CENPP: variants seen among roughly 807,000 people sequenced by gnomAD.
CENPP encodes the protein centromere protein P.
A neutral mutation model predicts 35.6 loss-of-function variants in CENPP; 24 were observed. The observed-to-expected ratio is 0.67, with a 90% CI of 0.49 to 0.95. The LOEUF (loss-of-function observed/expected upper bound fraction) is 0.95, where lower values mean the gene tolerates loss of function less well. Ranked by LOEUF, CENPP falls within the 40% of genes least tolerant of loss-of-function variation. The pLI, the probability that CENPP is intolerant of heterozygous loss-of-function variation, is 0.00. For synonymous variants in CENPP, 120 were observed against 125.5 expected, an observed-to-expected ratio of 0.96 and a Z score of 0.29; for missense variants, 332 against 345.3, an observed-to-expected ratio of 0.96 and a Z score of 0.31.
chr9:92,473,168 C>T (rs1176555104), intron 5 of CENPP, among the ~76,000 whole-genome samples: 1 of 152,120 alleles, frequency 6.6e-6, no homozygotes, highest in East Asian at 1.9e-4. Context: ...GTAGCTTGGG[C>T]TTCTCAAGTC....
At chr9:92,571,244 G>C (rs955795424) in intron 5 of CENPP, among the ~76,000 whole-genome samples, 3 of 152,190 alleles carry the variant, frequency 2.0e-5, no homozygotes, top group African/African-American at 7.2e-5. Context: ...TCTACACACT[G>C]CTTTAAATGT....
intron 5 of CENPP, among the ~76,000 whole-genome samples, chr9:92,570,440 G>T (rs1466418741): frequency 6.6e-6 from 1 of 152,128 alleles, no homozygotes; most frequent in Non-Finnish European, 1.5e-5. Context: ...ACTTGATCAT[G>T]GTGGATAAGC....
At chr9:92,376,167 T>A (rs1004778288) in intron 4 of CENPP, among the ~76,000 whole-genome samples, 1 of 152,188 alleles carries the variant, frequency 6.6e-6, no homozygotes, top group Non-Finnish European at 1.5e-5. Flanking sequence ...TCAAGTGGCT[T>A]TCTAGTTCCC....
chr9:92,479,862 C>T (rs1416286906), intron 5 of CENPP, among the ~76,000 whole-genome samples: 1 of 152,110 alleles, frequency 6.6e-6, no homozygotes, highest in Non-Finnish European at 1.5e-5. Context: ...TAAGTACAAT[C>T]AAGTATAGGT....
chr9:92,450,484 C>T (rs907077170), intron 5 of CENPP, among the ~76,000 whole-genome samples: 2 of 152,042 alleles, frequency 1.3e-5, no homozygotes, highest in Non-Finnish European at 2.9e-5. Flanking sequence ...TTTTCTTAAT[C>T]CAGTCTATCA....
intron 5 of CENPP, among the ~76,000 whole-genome samples, chr9:92,480,501 G>A (rs555409767): frequency 6.6e-6 from 1 of 152,260 alleles, no homozygotes; most frequent in South Asian, 2.1e-4. Flanking sequence ...ACTTTCCTCT[G>A]GAAAAGCCTA....
At chr9:92,388,198 G>A (rs1842514229) in intron 5 of CENPP, among the ~76,000 whole-genome samples, 1 of 151,598 alleles carries the variant, frequency 6.6e-6, no homozygotes, top group African/African-American at 2.4e-5. Context: ...TTGCTCTGTG[G>A]CCCAGGCTGG....
chr9:92,380,509 C>T (rs987360544), intron 5 of CENPP, among the ~76,000 whole-genome samples: 38 of 140,420 alleles, frequency 2.7e-4, no homozygotes, highest in African/African-American at 8.9e-4. Context: ...AAAAGCCTAA[C>T]CAGATCATGA....
At chr9:92,502,946 TACAGGTATGCGCCATGAAGCCTGGCTA>T (rs746648334) in intron 5 of CENPP, among the ~76,000 whole-genome samples, 12 of 151,638 alleles carry the variant, frequency 7.9e-5, no homozygotes, top group Non-Finnish European at 1.8e-4. Context: ...TGACTGAGAC[TACAGGTATGCGCCATGAAGCCTGGCTA>T]ATTTTTGTAT....
intron 5 of CENPP, among the ~76,000 whole-genome samples, chr9:92,521,529 A>G (rs556902168): frequency 2.0e-5 from 3 of 152,324 alleles, no homozygotes; most frequent in East Asian, 3.9e-4. Context: ...TTGAGACAAT[A>G]TATGAAATAC....
intron 5 of CENPP, among the ~76,000 whole-genome samples, chr9:92,556,492 T>G (rs1849726498): frequency 6.6e-6 from 1 of 152,202 alleles, no homozygotes; most frequent in Admixed American, 6.5e-5. Context: ...TATTAATAAT[T>G]GTTTTATAAA....
At chr9:92,328,896 A>G (rs1031112182) in intron 1 of CENPP, among the ~76,000 whole-genome samples, 2 of 152,254 alleles carry the variant, frequency 1.3e-5, no homozygotes, top group Admixed American at 1.3e-4. Flanking sequence ...TTGAGCGTTC[A>G]GCTCAATGGC....
At chr9:92,460,034 A>G (rs1845039738) in intron 5 of CENPP, among the ~76,000 whole-genome samples, 1 of 151,038 alleles carries the variant, frequency 6.6e-6, no homozygotes, top group South Asian at 2.1e-4. Flanking sequence ...CCCTATCAGC[A>G]GAGGTGGTAA....
At chr9:92,508,873 T>C (rs1351791880) in intron 5 of CENPP, among the ~76,000 whole-genome samples, 1 of 152,046 alleles carries the variant, frequency 6.6e-6, no homozygotes, top group Non-Finnish European at 1.5e-5. Context: ...AAAAACATAA[T>C]ATGTTTCAAA....
chr9:92,569,178 T>A (rs1850071484), intron 5 of CENPP, among the ~76,000 whole-genome samples: 1 of 152,240 alleles, frequency 6.6e-6, no homozygotes, highest in South Asian at 2.1e-4. Context: ...TGAATGGTAT[T>A]GCCTAGGTTT....
intron 5 of CENPP, among the ~76,000 whole-genome samples, chr9:92,416,099 T>TATATATATATA (rs1843601377): frequency 7.5e-6 from 1 of 132,850 alleles, no homozygotes; most frequent in African/African-American, 2.8e-5. Context: ...TATTTATTTA[T>TATATATATATA]TTTATTTTTT....
At chr9:92,574,413 G>C (rs970290709) in intron 5 of CENPP, among the ~76,000 whole-genome samples, 3 of 152,064 alleles carry the variant, frequency 2.0e-5, no homozygotes, top group Admixed American at 6.6e-5. Flanking sequence ...TAACAAAAAT[G>C]GGTTGGATTT....
At chr9:92,609,588 G>A (rs562885896) in intron 5 of CENPP, among the ~76,000 whole-genome samples, 3 of 152,204 alleles carry the variant, frequency 2.0e-5, no homozygotes, top group South Asian at 4.1e-4. Context: ...TATATCAGTC[G>A]CTGTGAGAGG....
At chr9:92,369,471 G>T (rs1236933124) in intron 4 of CENPP, among the ~76,000 whole-genome samples, 1 of 152,102 alleles carries the variant, frequency 6.6e-6, no homozygotes, top group Non-Finnish European at 1.5e-5. Flanking sequence ...GTGGATTCTG[G>T]GTTGGTTGTT....
Sources: gnomAD v4.1 joint callset for allele counts (sites outside exome capture counted in the v4.1 genomes callset) on GRCh38, gnomAD v4.1.1 for gene constraint, MANE v1.5 for transcripts, NCBI Gene and HGNC (gene_info 2026-07-23, HGNC 2026-07-21) for gene names.